MTFR1: variants seen among roughly 807,000 people sequenced by gnomAD.
The protein encoded by MTFR1 is mitochondrial fission regulator 1, also known as chondrocyte protein with a poly-proline region.
A neutral mutation model predicts 38.8 loss-of-function variants in MTFR1; 28 were observed. The ratio of observed to expected loss-of-function variants is 0.72; its 90% CI spans 0.53 to 0.99. MTFR1 has a LOEUF of 0.99. Ranked by LOEUF, MTFR1 falls within the 50% of genes least tolerant of loss-of-function variation. The probability of loss-of-function intolerance (pLI) is 0.00; values close to 1 mark genes in which losing one functional copy is unlikely to be tolerated. For synonymous variants in MTFR1, 145 were observed against 137.0 expected, an observed-to-expected ratio of 1.06 and a Z score of -0.41; for missense variants, 358 against 395.5, an observed-to-expected ratio of 0.91 and a Z score of 0.81.
At position 65,750,421 on chromosome 8, in the gene MTFR1, G is replaced by C. The variant is rs575029937; in HGVS notation, c.*49-20526G>C. Among the ~76,000 whole-genome samples, 411 of 151,062 alleles carry C rather than the reference G, an allele frequency of 2.7e-3. 1 individual carries two copies. Among genetic ancestry groups the C allele is most frequent in the African/African-American group, 9.5e-3 (389 of 41,068 alleles). On this transcript the variant is annotated intron_variant, in intron 3 of 3. Coordinates refer to the MTFR1 transcript ENST00000521247. ...AATTTTATTACTGGCAATTAGGATTGCTGTGTGTGTGTATTAGGATCACAC... is the reference window on the plus strand; with the variant it reads ...AATTTTATTACTGGCAATTAGGATTCCTGTGTGTGTGTATTAGGATCACAC...
intron 3 of MTFR1, among the ~76,000 whole-genome samples, chr8:65,689,938 GT>G (rs939945007): frequency 3.9e-5 from 6 of 152,134 alleles, no homozygotes; most frequent in African/African-American, 1.2e-4. Context: ...TTTGGAATTG[GT>G]TCTTGAGAGC....
At chr8:65,652,171 A>G (rs1246152187) in intron 1 of MTFR1, among the ~76,000 whole-genome samples, 3 of 151,984 alleles carry the variant, frequency 2.0e-5, no homozygotes, top group East Asian at 3.9e-4. Flanking sequence ...CAGTGGTGCT[A>G]TCTCAGCTCA....
At chr8:65,770,991 G>A in exon 4 of MTFR1, 2 of 336,926 alleles carry the variant, frequency 5.9e-6, no homozygotes, top group Non-Finnish European at 1.2e-5. Context: ...GAAGGCCTAT[G>A]GCAAATCCTA....
chr8:65,759,907 T>G (rs1240872318), intron 3 of MTFR1, among the ~76,000 whole-genome samples: 1 of 152,206 alleles, frequency 6.6e-6, no homozygotes, highest in African/African-American at 2.4e-5. Context: ...ACGTATAATT[T>G]TTCTTTCATC....
intron 3 of MTFR1, chr8:65,726,788 T>C (rs1806630602): frequency 4.2e-6 from 3 of 719,494 alleles, no homozygotes; most frequent in East Asian, 2.5e-5. Flanking sequence ...CACCTGAACA[T>C]AACAATTTTT....
chr8:65,746,934 T>G (rs1585863187), intron 3 of MTFR1, among the ~76,000 whole-genome samples: 1 of 152,210 alleles, frequency 6.6e-6, no homozygotes, highest in Admixed American at 6.5e-5. Context: ...CTGTAAATAT[T>G]AAGTCAAATA....
chr8:65,658,317 T>C (rs1170320612), intron 1 of MTFR1, among the ~76,000 whole-genome samples: 2 of 152,224 alleles, frequency 1.3e-5, no homozygotes, highest in Non-Finnish European at 2.9e-5. Context: ...CTTTTTATTA[T>C]AACTATCTCA....
At chr8:65,759,102 C>T (rs960323283) in intron 3 of MTFR1, among the ~76,000 whole-genome samples, 1 of 152,228 alleles carries the variant, frequency 6.6e-6, no homozygotes, top group African/African-American at 2.4e-5. Flanking sequence ...CACGGGGATA[C>T]TTGCTTGCAT....
At chr8:65,724,629 T>C in intron 3 of MTFR1, 1 of 674,368 alleles carries the variant, frequency 1.5e-6, no homozygotes, top group Non-Finnish European at 2.4e-6. Context: ...GATCTCCTTT[T>C]GGAAGGAGTG....
chr8:65,719,387 C>T, exon 3 of MTFR1: 2 of 1,614,040 alleles, frequency 1.2e-6, no homozygotes, highest in Non-Finnish European at 1.7e-6. Flanking sequence ...CAGTCCCTTC[C>T]AGCTGGCTTT....
chr8:65,729,958 G>T (rs1408249955), intron 3 of MTFR1, among the ~76,000 whole-genome samples: 1 of 151,912 alleles, frequency 6.6e-6, no homozygotes, highest in African/African-American at 2.4e-5. Context: ...AAAAGGACAA[G>T]GCGGTCCTCG....
chr8:65,711,346 G>A (rs1317308422), downstream of MTFR1, among the ~76,000 whole-genome samples: 5 of 152,086 alleles, frequency 3.3e-5, no homozygotes, highest in South Asian at 2.1e-4. Context: ...AGGAATACAC[G>A]TGGTAATAAC....
At chr8:65,692,539 C>T (rs1805310552) in intron 3 of MTFR1, among the ~76,000 whole-genome samples, 2 of 152,068 alleles carry the variant, frequency 1.3e-5, no homozygotes, top group African/African-American at 4.8e-5. Context: ...GGGGTTTCAC[C>T]ATGTTGGCCA....
chr8:65,711,122 G>T (rs1805932920), downstream of MTFR1, among the ~76,000 whole-genome samples: 1 of 152,042 alleles, frequency 6.6e-6, no homozygotes, highest in African/African-American at 2.4e-5. Context: ...TTTACACAGG[G>T]TCTCTGTAGT....
chr8:65,760,978 T>C (rs1453835591), intron 3 of MTFR1, among the ~76,000 whole-genome samples: 1 of 152,150 alleles, frequency 6.6e-6, no homozygotes, highest in Non-Finnish European at 1.5e-5. Context: ...AGAATTTAAC[T>C]AGTACTTTCA....
intron 1 of MTFR1, among the ~76,000 whole-genome samples, chr8:65,653,654 G>A (rs1470529107): frequency 6.6e-6 from 1 of 152,164 alleles, no homozygotes; most frequent in Non-Finnish European, 1.5e-5. Context: ...GGTTCCCAAA[G>A]TTTATATATT....
chr8:65,770,162 T>TGTGC (rs1424194989), intron 3 of MTFR1, among the ~76,000 whole-genome samples: 7 of 142,628 alleles, frequency 4.9e-5, no homozygotes, highest in African/African-American at 8.1e-5. Context: ...TGTGTGTGTG[T>TGTGC]GCCACACCTA....
intron 3 of MTFR1, among the ~76,000 whole-genome samples, chr8:65,729,223 A>G (rs1585833295): frequency 6.6e-6 from 1 of 152,180 alleles, no homozygotes; most frequent in African/African-American, 2.4e-5. Context: ...AGCCATCATT[A>G]GGGTTCTTTT....
intron 1 of MTFR1, among the ~76,000 whole-genome samples, chr8:65,648,207 C>T (rs1455199742): frequency 2.6e-5 from 4 of 152,012 alleles, no homozygotes; most frequent in East Asian, 1.9e-4. Flanking sequence ...TTAGTAGAGA[C>T]GGGGTTTCAC....
Sources: allele counts gnomAD v4.1 joint callset (sites outside exome capture counted in the v4.1 genomes callset), GRCh38; gene constraint gnomAD v4.1.1; transcripts MANE v1.5; gene names NCBI Gene and HGNC (gene_info 2026-07-23, HGNC 2026-07-21).